Variants in FGF14 observed in about 807,000 individuals in gnomAD.
FGF14 encodes the protein fibroblast growth factor 14, also known as fibroblast growth factor homologous factor 4.
In FGF14, 5 loss-of-function variants were observed where a neutral mutation model predicts 25.5. That is an observed-to-expected ratio of 0.20 (90% CI 0.10 to 0.41). The LOEUF (loss-of-function observed/expected upper bound fraction) is 0.41, where lower values mean the gene tolerates loss of function less well. FGF14 is among the 10% of genes least tolerant of loss of function. The pLI, the probability that FGF14 is intolerant of heterozygous loss-of-function variation, is 1.00. For synonymous variants in FGF14, 138 were observed against 118.3 expected, an observed-to-expected ratio of 1.17 and a Z score of -1.08; for missense variants, 222 against 320.1, an observed-to-expected ratio of 0.69 and a Z score of 2.34.
chr13:102,104,028 A>T (rs1408798449), intron 1 of FGF14, among the ~76,000 whole-genome samples: 1 of 151,780 alleles, frequency 6.6e-6, no homozygotes, highest in Non-Finnish European at 1.5e-5. Flanking sequence ...TCACTTACGC[A>T]CTCCCTAAAA....
At chr13:102,319,876 T>C (rs1230455284) in intron 1 of FGF14, among the ~76,000 whole-genome samples, 3 of 152,220 alleles carry the variant, frequency 2.0e-5, no homozygotes, top group African/African-American at 4.8e-5. Context: ...TACATGTATG[T>C]ATGTATATAT....
At chr13:102,207,738 A>C (rs2049994816) in intron 1 of FGF14, among the ~76,000 whole-genome samples, 1 of 152,106 alleles carries the variant, frequency 6.6e-6, no homozygotes, top group Non-Finnish European at 1.5e-5. Context: ...AGGATTTTCC[A>C]AAATGTCTGT....
chr13:101,849,370 T>C (rs2043629102), intron 3 of FGF14, among the ~76,000 whole-genome samples: 1 of 152,100 alleles, frequency 6.6e-6, no homozygotes, highest in Non-Finnish European at 1.5e-5. Context: ...GGAACATTTT[T>C]GTTTTACTAC....
At chr13:101,726,916 G>A in intron 3 of FGF14, 106 bp from the exon 4 acceptor site, 1 of 827,976 alleles carries the variant, frequency 1.2e-6, no homozygotes, top group Non-Finnish European at 2.0e-6. Context: ...GAGTGCTTTG[G>A]CATGGAGGAC....
At chr13:102,289,085 G>A (rs1027548608) in intron 1 of FGF14, among the ~76,000 whole-genome samples, 6 of 152,008 alleles carry the variant, frequency 3.9e-5, no homozygotes, top group African/African-American at 1.5e-4. Flanking sequence ...GAGAAGTAGG[G>A]ATTCAGTCAG....
intron 1 of FGF14, among the ~76,000 whole-genome samples, chr13:102,250,750 A>C (rs1342342589): frequency 6.6e-6 from 1 of 152,230 alleles, no homozygotes; most frequent in African/African-American, 2.4e-5. Context: ...TTAATATTTC[A>C]TTAAACAGAG....
chr13:101,894,505 A>C (rs537722121), intron 1 of FGF14, among the ~76,000 whole-genome samples: 13 of 152,154 alleles, frequency 8.5e-5, no homozygotes, highest in Non-Finnish European at 1.3e-4. Flanking sequence ...TCAGAAACAC[A>C]AAGTCCTGCC....
At chr13:102,324,060 C>G (rs946509017) in intron 1 of FGF14, among the ~76,000 whole-genome samples, 5 of 150,408 alleles carry the variant, frequency 3.3e-5, no homozygotes, top group Non-Finnish European at 5.9e-5. Context: ...GAGGCATTAT[C>G]ATATATATCC....
chr13:101,786,556 T>C (rs368784327), intron 3 of FGF14, among the ~76,000 whole-genome samples: 18 of 152,248 alleles, frequency 1.2e-4, no homozygotes, highest in Admixed American at 4.6e-4. Flanking sequence ...CATCCTCCCC[T>C]GTATCCTCAC....
chr13:101,961,597 A>G (rs2036861253), intron 1 of FGF14, among the ~76,000 whole-genome samples: 2 of 152,140 alleles, frequency 1.3e-5, no homozygotes, highest in South Asian at 4.1e-4. Context: ...AGTTCTCATA[A>G]TACCCATATG....
rs185829999 is a variant in FGF14, at chr13:102,384,591, C to T, written c.208+16880G>A. Among the ~76,000 whole-genome samples, 745 of 152,280 alleles carry T rather than the reference C, an allele frequency of 4.9e-3. 3 individuals are homozygous for T. Among genetic ancestry groups the T allele is most frequent in the Non-Finnish European group, 7.3e-3 (499 of 68,020 alleles). ...TATGCCCTGCAGGAAGCCTGCCATGCCCTCCTCTTGAGCCCTATAGCATCA... is the reference window on the plus strand; with the variant it reads ...TATGCCCTGCAGGAAGCCTGCCATGTCCTCCTCTTGAGCCCTATAGCATCA... On this transcript the variant is annotated intron_variant, in intron 1 of 4. Coordinates refer to the FGF14 transcript ENST00000376131.
chr13:101,933,314 TC>T lies in FGF14; in HGVS notation c.209-58019del, dbSNP rs369801623. On this transcript the variant is annotated intron_variant, in intron 1 of 4. Coordinates refer to the FGF14 transcript ENST00000376131. Reference sequence around the variant, plus strand: ...TGAATAATGGGAGGTTAGAGGTTCTTCCATTATTCATAGAACAAATGCTTTG... The same window carrying T: ...TGAATAATGGGAGGTTAGAGGTTCTTCATTATTCATAGAACAAATGCTTTG... 1.8e-3 allele frequency among the ~76,000 whole-genome samples: 269 copies of T among 152,340 alleles called. 1 individual carries two copies. Among genetic ancestry groups the T allele is most frequent in the African/African-American group, 6.1e-3 (254 of 41,574 alleles).
rs537328308 is a variant in FGF14, at chr13:101,910,320, GTTCAT to G, written c.193+6128_193+6132del. Reference sequence around the variant, plus strand: ...TATCCAATTATAGCCATTGCTATGCGTTCATTTATCTCAATTGTATTCTATGCTTC... The same window carrying G: ...TATCCAATTATAGCCATTGCTATGCGTTATCTCAATTGTATTCTATGCTTC... On this transcript the variant is annotated intron_variant, in intron 1 of 4. Coordinates refer to ENST00000376143, the MANE Select transcript of FGF14 (RefSeq NM_004115.4). Among the ~76,000 whole-genome samples the G allele has an allele frequency of 1.3e-4, 20 of 152,168 alleles. No homozygotes were observed. The South Asian group carries it at 3.3e-3, about 25-fold the overall frequency.
At chr13:101,876,045 TATACA>T (rs2045372635) in intron 1 of FGF14, among the ~76,000 whole-genome samples, 1 of 152,192 alleles carries the variant, frequency 6.6e-6, no homozygotes, top group Non-Finnish European at 1.5e-5. Flanking sequence ...ACAGTCAAGT[TATACA>T]ATATGAAATC....
At chr13:101,903,441 T>C (rs2031826077) in intron 1 of FGF14, among the ~76,000 whole-genome samples, 1 of 152,162 alleles carries the variant, frequency 6.6e-6, no homozygotes, top group South Asian at 2.1e-4. Flanking sequence ...AAGAAAATAA[T>C]GAGACTTGTT....
intron 1 of FGF14, among the ~76,000 whole-genome samples, chr13:102,211,254 C>T (rs906815946): frequency 6.6e-6 from 1 of 151,894 alleles, no homozygotes; most frequent in African/African-American, 2.4e-5. Context: ...CTCTTAAATC[C>T]CTATATCTAT....
chr13:101,988,346 C>T (rs899575976), intron 1 of FGF14, among the ~76,000 whole-genome samples: 3 of 151,920 alleles, frequency 2.0e-5, no homozygotes, highest in Admixed American at 6.6e-5. Flanking sequence ...GGGTAACTGG[C>T]TAGCACCATG....
At chr13:102,177,421 A>T (rs770835523) in intron 1 of FGF14, among the ~76,000 whole-genome samples, 2 of 152,084 alleles carry the variant, frequency 1.3e-5, no homozygotes, top group Non-Finnish European at 2.9e-5. Context: ...ACTTCTTTAG[A>T]TTGTAAACTC....
At chr13:102,227,056 C>T (rs1172918147) in intron 1 of FGF14, among the ~76,000 whole-genome samples, 1 of 152,122 alleles carries the variant, frequency 6.6e-6, no homozygotes, top group African/African-American at 2.4e-5. Context: ...TATTTTCAAA[C>T]ATGACTGCCT....
Sources: gnomAD v4.1 joint callset for allele counts (sites outside exome capture counted in the v4.1 genomes callset) on GRCh38, gnomAD v4.1.1 for gene constraint, MANE v1.5 for transcripts, NCBI Gene and HGNC (gene_info 2026-07-23, HGNC 2026-07-21) for gene names.